MAP3K2: variants seen among roughly 807,000 people sequenced by gnomAD.
The protein encoded by MAP3K2 is mitogen-activated protein kinase kinase kinase 2, also known as MAP/ERK kinase kinase 2.
In MAP3K2, 24 loss-of-function variants were observed where a neutral mutation model predicts 80.3. The observed-to-expected ratio is 0.30, with a 90% CI of 0.22 to 0.42. The LOEUF is 0.42. Ranked by LOEUF, MAP3K2 falls within the 10% of genes least tolerant of loss-of-function variation. The pLI is 1.00. For synonymous variants in MAP3K2, 244 were observed against 253.7 expected, an observed-to-expected ratio of 0.96 and a Z score of 0.36; for missense variants, 608 against 750.1, an observed-to-expected ratio of 0.81 and a Z score of 2.21.
Position 127,322,163 on chromosome 2 carries a change from T to A in MAP3K2, c.928A>T (p.Thr310Ser). 1 of 1,613,902 alleles carries A rather than the reference T, an allele frequency of 6.2e-7. No homozygotes were observed. The highest frequency in any genetic ancestry group is 8.5e-7 in the Non-Finnish European group (1 of 1,179,794). ...GTAAAGATACTGCTTCCACTACTAG[T>A]GCTTAAGGAATGATCAGTAGGACTG... ...SFSPTDHSLS[T>S]SSGSSIFTPE... The change falls in exon 12 of 17, where the codon ACT (threonine) becomes TCT (serine). Residue 310 changes from threonine to serine, a missense_variant. Physicochemically the swap from Thr to Ser is moderately conservative, Grantham distance 58. Transcript: ENST00000682094. The surrounding 1 kb of genome is among the most constrained non-coding windows in gnomAD (Gnocchi z 4.2).
Position 127,326,761 on chromosome 2 carries a change from G to A in MAP3K2, c.523C>T (p.His175Tyr). ...AATGACCCATTCCGGGCAACCTGGT[G>A]TAATTCATCTGGAATGTAACCTGGG... is the stretch of plus-strand genomic sequence containing the variant. ...PPPGYIPDEL[H>Y]QVARNGSFTS... The change falls in exon 8 of 17, where the codon CAC (histidine) becomes TAC (tyrosine). Residue 175 changes from histidine (H) to tyrosine (Y), a missense_variant. His to Tyr is a moderately conservative substitution (Grantham distance 83). Transcript: ENST00000682094. The A allele has an allele frequency of 2.5e-6, 4 of 1,605,968 alleles. No individual in the cohort carries two copies. Among genetic ancestry groups the A allele is most frequent in the Non-Finnish European group, 3.4e-6 (4 of 1,175,164 alleles).
At chr2:127,330,545 GGTC>G (rs746315053) in intron 5 of MAP3K2, 40 bp from the exon 6 acceptor site, 46 of 976,772 alleles carry the variant, frequency 4.7e-5, no homozygotes, top group Middle Eastern at 2.1e-4. Flanking sequence ...TATCTCACCA[GGTC>G]AAGTTCTTCC....
At chr2:127,379,557 G>A (rs1055822082) in intron 1 of MAP3K2, among the ~76,000 whole-genome samples, 2 of 152,032 alleles carry the variant, frequency 1.3e-5, no homozygotes, top group Admixed American at 6.5e-5. Context: ...AAGCACAGTC[G>A]GTTAACGTAT....
rs1685644106 is a variant in MAP3K2 at position 127,303,834 on chromosome 2, T to G, written c.*3745A>C. 6.6e-6 allele frequency: 1 copy of G among 152,198 alleles called. No individual in the cohort carries two copies. Among genetic ancestry groups the G allele is most frequent in the African/African-American group, 2.4e-5 (1 of 41,452 alleles). The allele number at this position is 152,198 out of a possible 1,614,324, so 9.4% of individuals were successfully genotyped here. On this transcript the variant is annotated 3_prime_UTR_variant, in exon 17 of 17. Transcript: ENST00000682094. Reference sequence around the variant, plus strand: ...AAATCACTGGCACAGAACTTTGCCATAGGCCAAGGAGTCTGCATCTGGCTT... The same window carrying G: ...AAATCACTGGCACAGAACTTTGCCAGAGGCCAAGGAGTCTGCATCTGGCTT...
intron 2 of MAP3K2, among the ~76,000 whole-genome samples, chr2:127,342,666 A>G (rs1223986432): frequency 9.2e-6 from 1 of 109,010 alleles, no homozygotes; most frequent in Non-Finnish European, 1.8e-5. Context: ...AAAGGAAAAA[A>G]CAAAAAGGAG....
chr2:127,335,406 T>C (rs564798952), intron 5 of MAP3K2, among the ~76,000 whole-genome samples: 34 of 152,298 alleles, frequency 2.2e-4, no homozygotes, highest in African/African-American at 7.7e-4. Context: ...AACGCAGAGC[T>C]CCTCACTGCT....
intron 15 of MAP3K2, 53 bp from the exon 16 acceptor site, chr2:127,308,815 T>C (rs1337857983): frequency 5.2e-6 from 8 of 1,552,530 alleles, no homozygotes; most frequent in South Asian, 3.4e-5. Flanking sequence ...GTCTCGAATA[T>C]AGCATAAAAG....
intron 1 of MAP3K2, among the ~76,000 whole-genome samples, chr2:127,363,933 G>A (rs775950307): frequency 1.1e-4 from 16 of 152,152 alleles, no homozygotes; most frequent in Admixed American, 9.8e-4. Flanking sequence ...TGGGATTATA[G>A]GCAAGAGCCA....
chr2:127,335,637 T>C (rs1039830254), intron 5 of MAP3K2, among the ~76,000 whole-genome samples: 3 of 152,206 alleles, frequency 2.0e-5, no homozygotes, highest in African/African-American at 7.2e-5. Context: ...GTAATACATA[T>C]ATTTTCCCCT....
rs946045946 is a variant in MAP3K2 at position 127,305,853 on chromosome 2, T to C, written c.*1726A>G. ...TTCCATTTAACAATGTCCTTGCTCT[T>C]ATTGGATACATTGTACTAGAAATAC... On this transcript the variant is annotated 3_prime_UTR_variant, in exon 17 of 17. Transcript: ENST00000682094. The C allele has an allele frequency of 6.6e-6, 1 of 152,142 alleles. No individual in the cohort carries two copies. Among genetic ancestry groups the C allele is most frequent in the African/African-American group, 2.4e-5 (1 of 41,450 alleles). The allele number at this position is 152,142 out of a possible 1,614,324, so 9.4% of individuals were successfully genotyped here.
intron 1 of MAP3K2, among the ~76,000 whole-genome samples, chr2:127,358,475 A>G (rs1005361594): frequency 6.6e-6 from 1 of 152,258 alleles, no homozygotes; most frequent in African/African-American, 2.4e-5. Context: ...CCTATGCATG[A>G]ATTTTATTAG....
intron 2 of MAP3K2, among the ~76,000 whole-genome samples, chr2:127,341,823 C>T (rs780143699): frequency 1.4e-4 from 21 of 152,080 alleles, no homozygotes; most frequent in Non-Finnish European, 2.6e-4. Flanking sequence ...TGAGCCACCA[C>T]GCCCGGCCCA....
In MAP3K2 at chr2:127,333,305, C is replaced by CA. The variant is rs397965212; in HGVS notation, c.264+2564_264+2565insT. ...ACACACACACACACACACACACACACCCCTTATTAAAGAGAAGCCAAACTA... is the reference window on the plus strand; with the variant it reads ...ACACACACACACACACACACACACACACCCTTATTAAAGAGAAGCCAAACTA... On this transcript the variant is annotated intron_variant, in intron 5 of 16. Transcript: ENST00000682094. 4.3e-5 allele frequency among the ~76,000 whole-genome samples: 6 copies of CA among 139,608 alleles called. No individual in the cohort carries two copies. In the East Asian group the frequency reaches 6.0e-4, roughly 14 times the overall value. 91.6% of individuals were successfully genotyped at this position (139,608 alleles called of 152,430 possible).
chr2:127,368,550 A>C (rs1687010921), intron 1 of MAP3K2, among the ~76,000 whole-genome samples: 1 of 152,050 alleles, frequency 6.6e-6, no homozygotes, highest in Non-Finnish European at 1.5e-5. Context: ...TGAACCAGGG[A>C]GGTGGAGGTT....
Position 127,342,828 on chromosome 2 carries a change from A to G in MAP3K2, c.4+298T>C, listed in dbSNP as rs1686524233. Among the ~76,000 whole-genome samples, 2 of 152,224 alleles carry G rather than the reference A, an allele frequency of 1.3e-5. 1 individual carries two copies. Among genetic ancestry groups the G allele is most frequent in the South Asian group, 4.1e-4 (2 of 4,832 alleles). ...AATGATTTGCTGCTCTATGAATGATAAAATTAAATTTTATGATTTCTCTCT... is the reference window on the plus strand; with the variant it reads ...AATGATTTGCTGCTCTATGAATGATGAAATTAAATTTTATGATTTCTCTCT... On this transcript the variant is annotated intron_variant, in intron 2 of 16. Coordinates refer to ENST00000682094, the MANE Select transcript of MAP3K2 (RefSeq NM_001371910.2).
intron 3 of MAP3K2, 72 bp downstream of exon 3, chr2:127,338,860 A>T: frequency 9.7e-7 from 1 of 1,031,946 alleles, no homozygotes; most frequent in South Asian, 1.6e-5. Context: ...TGAACACATT[A>T]AACAAGTCCT....
chr2:127,344,413 G>A (rs72845985), intron 1 of MAP3K2, among the ~76,000 whole-genome samples: 3,432 of 151,568 alleles, frequency 0.023, 69 homozygotes, highest in Middle Eastern at 0.048. Context: ...ATTTGGGGGG[G>A]CCAAGGTGGG....
intron 1 of MAP3K2, among the ~76,000 whole-genome samples, chr2:127,385,729 A>G (rs1687333308): frequency 6.6e-6 from 1 of 151,434 alleles, no homozygotes; most frequent in Non-Finnish European, 1.5e-5. Flanking sequence ...TCTATAGGGA[A>G]AGAGAAAATC....
chr2:127,375,933 C>G (rs1391965008), intron 1 of MAP3K2, among the ~76,000 whole-genome samples: 1 of 152,050 alleles, frequency 6.6e-6, no homozygotes, highest in Non-Finnish European at 1.5e-5. Flanking sequence ...TGATTATACT[C>G]AAGTTTGTCT....
Sources: allele counts gnomAD v4.1 joint callset (sites outside exome capture counted in the v4.1 genomes callset), GRCh38; gene constraint gnomAD v4.1.1; non-coding constraint Gnocchi (gnomAD v3.1); transcripts MANE v1.5; gene names NCBI Gene and HGNC (gene_info 2026-07-23, HGNC 2026-07-21).